Variants in AKAP9 observed in about 807,000 individuals in gnomAD.
AKAP9 encodes the protein A-kinase anchor protein 9.
AKAP9 carries 311 observed loss-of-function variants against 488.5 expected under a neutral mutation model. The ratio of observed to expected loss-of-function variants is 0.64; its 90% CI spans 0.58 to 0.70. AKAP9 has a LOEUF of 0.70. Ranked by LOEUF, AKAP9 falls within the 30% of genes least tolerant of loss-of-function variation. The probability of loss-of-function intolerance (pLI) is 0.00; values close to 1 mark genes in which losing one functional copy is unlikely to be tolerated. For missense variants in AKAP9, 4,215 were observed against 4,374.5 expected (o/e 0.96, Z 1.03); for synonymous variants, 1,462 against 1,483.5 (o/e 0.99, Z 0.33).
At chr7:91,948,795 G>A (rs1379886780) in intron 1 of AKAP9, among the ~76,000 whole-genome samples, 2 of 151,640 alleles carry the variant, frequency 1.3e-5, no homozygotes, top group African/African-American at 2.4e-5. Flanking sequence ...TGTATTTTTA[G>A]CAGAGATGGG....
At chr7:92,071,404 T>C (rs1379565169) in intron 28 of AKAP9, among the ~76,000 whole-genome samples, 1 of 150,646 alleles carries the variant, frequency 6.6e-6, no homozygotes, top group Non-Finnish European at 1.5e-5. Context: ...TTTTTTTTTA[T>C]TGTATTGCCC....
At chr7:92,005,470 G>T (rs1160270082) in intron 8 of AKAP9, among the ~76,000 whole-genome samples, 1 of 152,058 alleles carries the variant, frequency 6.6e-6, no homozygotes, top group Non-Finnish European at 1.5e-5. Context: ...AGGAGGAAGA[G>T]ACCAGACCTT....
At chr7:92,039,840 C>A (rs1805773968) in intron 17 of AKAP9, among the ~76,000 whole-genome samples, 1 of 151,398 alleles carries the variant, frequency 6.6e-6, no homozygotes, top group African/African-American at 2.4e-5. Context: ...CTGGGCATGG[C>A]AGTACATGCC....
intron 22 of AKAP9, among the ~76,000 whole-genome samples, chr7:92,058,763 T>G (rs2130816185): frequency 6.6e-6 from 1 of 152,178 alleles, no homozygotes; most frequent in Non-Finnish European, 1.5e-5. Flanking sequence ...ATAAGACAGC[T>G]AAGTGAATTG....
Position 92,001,347 on chromosome 7 carries a change from C to A in AKAP9, c.1430C>A (p.Ser477Ter). 1 of 1,613,576 alleles carries A rather than the reference C, an allele frequency of 6.2e-7. No individual in the cohort carries two copies. The highest frequency in any genetic ancestry group is 1.1e-5 in the South Asian group (1 of 91,000). ...GGAGAAATGGAGAATGCTTTAAGGT[C>A]ATATTCAAATATTACAGTTAATGAA... ...HKGEMENALRSYSNITVNEDQ... is the reference protein window; with the variant it reads ...HKGEMENALR The change falls in exon 8 of 50, where the codon TCA (serine) becomes TAA (stop). Residue 477 changes from serine (S) to a stop codon, truncating the protein, a stop_gained. Transcript: ENST00000356239. LOFTEE classifies it high-confidence loss of function.
At position 91,992,887 on chromosome 7, in the gene AKAP9, A is replaced by G; in HGVS notation, c.408A>G (p.Glu136=). ...TTTAAAATCTTGGATTGATTTAGGAAGAAGAATTTGGTGTTGATGATTCTT... is the reference window on the plus strand; with the variant it reads ...TTTAAAATCTTGGATTGATTTAGGAGGAAGAATTTGGTGTTGATGATTCTT... ...RTGKPTNLLR[E]EEFGVDDSYS... is the part of the protein sequence containing the mutation. The change falls in exon 5 of 50, where the codon GAA becomes GAG. Residue 136 remains glutamate (E), a splice_region_variant and synonymous_variant. Coordinates refer to ENST00000356239, the MANE Select transcript of AKAP9 (RefSeq NM_005751.5). 1 of 1,613,740 alleles carries G rather than the reference A, an allele frequency of 6.2e-7. No individual in the cohort carries two copies.
chr7:92,018,395 AACACACACAC>A lies in AKAP9; in HGVS notation c.3837+1331_3837+1340del, dbSNP rs56394853. 2.4e-3 allele frequency among the ~76,000 whole-genome samples: 284 copies of A among 120,684 alleles called. 1 individual carries two copies. Among genetic ancestry groups the A allele is most frequent in the Admixed American group, 7.2e-3 (76 of 10,498 alleles). 79.2% of individuals were successfully genotyped at this position (120,684 alleles called of 152,430 possible). ...CTCAAGACCTCATTTCTAAAAATAT[AACACACACAC>A]ACACACACACACACACACACACACA... On this transcript the variant is annotated intron_variant, in intron 12 of 49. Coordinates refer to ENST00000356239, the MANE Select transcript of AKAP9 (RefSeq NM_005751.5).
chr7:92,072,983 C>A (rs1452049512), intron 28 of AKAP9, among the ~76,000 whole-genome samples: 2 of 152,130 alleles, frequency 1.3e-5, no homozygotes, highest in East Asian at 3.9e-4. Context: ...TCTCAGATTT[C>A]TGTGAGTCTG....
intron 22 of AKAP9, chr7:92,058,346 A>G (rs781139560): frequency 1.7e-6 from 1 of 572,474 alleles, no homozygotes; most frequent in Non-Finnish European, 3.5e-6. Context: ...TTTCCATTTT[A>G]TTCATAAAAG....
At chr7:92,077,096 CTT>C (rs36053963) in intron 29 of AKAP9, 89 bp downstream of exon 29, 1,728 of 255,892 alleles carry the variant, frequency 6.8e-3, no homozygotes, top group East Asian at 0.012. Flanking sequence ...TTATTTCTTT[CTT>C]TTTTTTTTTT....
chr7:92,108,851 T>A, intron 49 of AKAP9: 1 of 610,048 alleles, frequency 1.6e-6, no homozygotes, highest in South Asian at 1.8e-5. Flanking sequence ...CAGATCCCAC[T>A]CCTCCCAAAA....
At chr7:92,020,068 G>A (rs148443540) in intron 12 of AKAP9, among the ~76,000 whole-genome samples, 48 of 152,188 alleles carry the variant, frequency 3.2e-4, no homozygotes, top group South Asian at 6.2e-4. Flanking sequence ...ACAGGTAGAT[G>A]AATATAGCAA....
At chr7:92,034,496 A>ATTTTTTTTTTTTTTTTTTTTTTTTTT (rs1364779899) in intron 16 of AKAP9, among the ~76,000 whole-genome samples, 1 of 104,278 alleles carries the variant, frequency 9.6e-6, no homozygotes, top group Non-Finnish European at 1.9e-5. Context: ...ATATATATAT[A>ATTTTTTTTTTTTTTTTTTTTTTTTTT]TATTTTTTTT....
intron 1 of AKAP9, among the ~76,000 whole-genome samples, chr7:91,959,772 G>A (rs139252869): frequency 1.3e-5 from 2 of 152,216 alleles, no homozygotes; most frequent in African/African-American, 4.8e-5. Context: ...AAGTAGGACT[G>A]GACTGGTCAC....
rs1352814602 is a variant in AKAP9 at position 92,096,183 on chromosome 7, T to A, written c.9730-506T>A. Among the ~76,000 whole-genome samples the A allele has an allele frequency of 3.3e-5, 5 of 152,148 alleles. No individual in the cohort carries two copies. The East Asian group carries it at 9.6e-4, about 29-fold the overall frequency. Reference sequence around the variant, plus strand: ...TTAAGATTTTTTGAGAAAAGTATTATCTTACCCTTCTTTTATTTATATTTC... The same window carrying A: ...TTAAGATTTTTTGAGAAAAGTATTAACTTACCCTTCTTTTATTTATATTTC... On this transcript the variant is annotated intron_variant, in intron 40 of 49. Coordinates refer to ENST00000356239, the MANE Select transcript of AKAP9 (RefSeq NM_005751.5).
rs775905273 is a variant in AKAP9 at position 91,941,050 on chromosome 7, C to T, written c.-50C>T. ...GTCCAAATCGACCTTTCCTTTCTAT[C>T]CCCAACCACCCCTCAACCCCTGTTT... On this transcript the variant is annotated 5_prime_UTR_variant, in exon 1 of 50. Transcript: ENST00000356239. 2.7e-5 allele frequency: 42 copies of T among 1,570,698 alleles called. No homozygotes were observed. In the East Asian group the frequency reaches 8.7e-4, roughly 33 times the overall value.
chr7:92,045,282 G>A, intron 21 of AKAP9, 69 bp downstream of exon 21: 1 of 1,464,238 alleles, frequency 6.8e-7, no homozygotes, highest in Non-Finnish European at 9.6e-7. Context: ...ATTTTGCCAT[G>A]TGTTGAAAAT....
Position 91,995,667 on chromosome 7 carries a change from C to A in AKAP9, c.797C>A (p.Ala266Asp). Residue 266 changes from alanine to aspartate, a missense_variant, in exon 7 of 50, where the codon GCC (alanine) becomes GAC (aspartate). Ala to Asp is a moderately radical substitution (Grantham distance 126). Transcript: ENST00000356239. ...AGCACAGCTGCAGACTTACTACAAG[C>A]CAAACAACAGATCCTCACTCATCAA... is the stretch of plus-strand genomic sequence containing the variant. ...HSSTAADLLQ[A>D]KQQILTHQQQ... 1.2e-6 allele frequency: 2 copies of A among 1,614,060 alleles called. No individual in the cohort carries two copies. Among genetic ancestry groups the A allele is most frequent in the East Asian group, 2.2e-5 (1 of 44,878 alleles).
At chr7:92,096,334 GTTTTTTTTT>G (rs769758632) in intron 40 of AKAP9, among the ~76,000 whole-genome samples, 1 of 123,972 alleles carries the variant, frequency 8.1e-6, no homozygotes, top group Admixed American at 8.1e-5. Context: ...AGTTTTTTTT[GTTTTTTTTT>G]TTTTTTTTGA....
Sources: allele counts gnomAD v4.1 joint callset (sites outside exome capture counted in the v4.1 genomes callset), GRCh38; gene constraint gnomAD v4.1.1; transcripts MANE v1.5; gene names NCBI Gene and HGNC (gene_info 2026-07-23, HGNC 2026-07-21).